CIB1: variants seen among roughly 807,000 people sequenced by gnomAD.
CIB1 encodes the protein calcium and integrin-binding protein 1.
Under a neutral mutation model 25.0 loss-of-function variants are expected in CIB1, and 19 were observed. The ratio of observed to expected loss-of-function variants is 0.76; its 90% CI spans 0.53 to 1.12. The LOEUF (loss-of-function observed/expected upper bound fraction) is 1.12. Among genes scored for constraint, CIB1 ranks in the 50% most tolerant of loss-of-function variants. The pLI, the probability that CIB1 is intolerant of heterozygous loss-of-function variation, is 0.00. For synonymous variants in CIB1, 104 were observed against 98.5 expected (o/e 1.06, Z -0.33); for missense variants, 236 against 242.6 (o/e 0.97, Z 0.18).
At chr15:90,255,670 ATCC>A in the CIB1 span, 6 of 1,589,688 alleles carry the variant, frequency 3.8e-6, no homozygotes, top group East Asian at 2.2e-5. Flanking sequence ...AACCTTCCCA[ATCC>A]TCCTCCACTG....
chr15:90,233,624 C>A (rs1190470000), intron 2 of CIB1, 45 bp downstream of exon 2: 2 of 1,557,180 alleles, frequency 1.3e-6, no homozygotes, highest in Admixed American at 3.9e-5. Flanking sequence ...GAAGCTGTCT[C>A]TAGAGGATCC....
At chr15:90,241,611 A>T in the CIB1 span, 65 of 1,613,870 alleles carry the variant, frequency 4.0e-5, no homozygotes, top group Admixed American at 1.0e-4. Context: ...GCAGGCGCCA[A>T]GCGAGCCCCT....
chr15:90,247,291 CT>C, the CIB1 span, among the ~76,000 whole-genome samples: 29 of 141,386 alleles, frequency 2.1e-4, no homozygotes, highest in Non-Finnish European at 9.0e-5. Context: ...CTTTTCTTTT[CT>C]TTTTTCTTTT....
chr15:90,255,835 C>T, the CIB1 span: 1 of 1,614,220 alleles, frequency 6.2e-7, no homozygotes, highest in African/African-American at 1.3e-5. Flanking sequence ...TGTACAAACT[C>T]TATCCCTCTG....
chr15:90,262,484 C>CT, the CIB1 span: 54 of 1,474,608 alleles, frequency 3.7e-5, no homozygotes, highest in African/African-American at 7.3e-4. Context: ...GCTGCTGTGT[C>CT]TTGTCAGGCA....
the CIB1 span, chr15:90,262,950 C>T: frequency 1.9e-4 from 285 of 1,534,326 alleles, 2 homozygotes; most frequent in African/African-American, 3.7e-3. Context: ...GCATTTATCT[C>T]TCATGTACCT....
chr15:90,230,437 T>C lies in CIB1; in HGVS notation c.*47A>G. ...CTTGACCTTGGCCACAGCTCAGCAGTAGAAAGGTTCTTGGACAGGGTGCCA... is the reference window on the plus strand; with the variant it reads ...CTTGACCTTGGCCACAGCTCAGCAGCAGAAAGGTTCTTGGACAGGGTGCCA... On this transcript the variant is annotated 3_prime_UTR_variant, in exon 7 of 7. Transcript: ENST00000328649. 1 of 1,549,556 alleles carries C rather than the reference T, an allele frequency of 6.5e-7. No homozygotes were observed.
the CIB1 span, chr15:90,250,878 G>A: frequency 5.5e-5 from 88 of 1,613,586 alleles, no homozygotes; most frequent in Non-Finnish European, 6.6e-5. Context: ...AAGAGAAGGC[G>A]GAAACGCAGG....
chr15:90,264,049 C>A, the CIB1 span: 1 of 1,533,164 alleles, frequency 6.5e-7, no homozygotes, highest in Non-Finnish European at 8.7e-7. Flanking sequence ...CAGAATCAGG[C>A]TCACTAGCCG....
chr15:90,259,859 G>A, the CIB1 span, among the ~76,000 whole-genome samples: 2 of 152,154 alleles, frequency 1.3e-5, no homozygotes, highest in African/African-American at 2.4e-5. Context: ...ACTGGTCACC[G>A]ATACTAAAAT....
In CIB1 at chr15:90,231,139, C is replaced by T. The variant is rs757062860; in HGVS notation, c.421G>A (p.Asp141Asn). The change falls in exon 5 of 7, where the codon GAC becomes AAC. Residue 141 changes from aspartate to asparagine, a missense_variant. Coordinates refer to ENST00000328649, the MANE Select transcript of CIB1 (RefSeq NM_006384.4). The part of the protein sequence containing the change: ...LVNCLTGEGE[D>N]TRLSASEMKQ... ...ATCTCAGACGCACTAAGCCGTGTGT[C>T]CTCGCCCTCTCCCGTGAGGCAGTTC... 1.1e-5 allele frequency: 17 copies of T among 1,614,194 alleles called. No individual in the cohort carries two copies. The highest frequency in any genetic ancestry group is 1.4e-5 in the Non-Finnish European group (16 of 1,180,032).
the CIB1 span, among the ~76,000 whole-genome samples, chr15:90,256,611 T>TTTCTTTCTTTC: frequency 3.9e-4 from 17 of 43,168 alleles, 1 homozygote; most frequent in African/African-American, 2.1e-3. Flanking sequence ...CTTTCTTTCC[T>TTTCTTTCTTTC]TCCTTCCTTC....
chr15:90,231,598 C>A, intron 3 of CIB1, 91 bp from the exon 4 acceptor site: 2 of 1,461,884 alleles, frequency 1.4e-6, no homozygotes, highest in Non-Finnish European at 9.3e-7. Flanking sequence ...AGGACCAGCA[C>A]CAGCGAGCTC....
At chr15:90,233,203 T>C (rs1048874493) in intron 2 of CIB1, among the ~76,000 whole-genome samples, 1 of 152,226 alleles carries the variant, frequency 6.6e-6, no homozygotes, top group Non-Finnish European at 1.5e-5. Flanking sequence ...GTCCAGTACC[T>C]CTCTCCTAAA....
chr15:90,254,875 TA>T, the CIB1 span, among the ~76,000 whole-genome samples: 1 of 152,014 alleles, frequency 6.6e-6, no homozygotes, highest in South Asian at 2.1e-4. Flanking sequence ...AGGATAAGGA[TA>T]ACAATAATCA....
the CIB1 span, chr15:90,265,445 A>C: frequency 1.6e-5 from 21 of 1,303,826 alleles, no homozygotes; most frequent in East Asian, 2.2e-4. Flanking sequence ...TGGAAACGGA[A>C]TCCGTACTTT....
chr15:90,262,099 G>T, the CIB1 span: 1 of 1,535,966 alleles, frequency 6.5e-7, no homozygotes, highest in East Asian at 2.4e-5. Flanking sequence ...TCTACCCTGG[G>T]CCTGACACAG....
In CIB1 at chr15:90,232,204, G is replaced by A. The variant is rs1416452341; in HGVS notation, c.195+15C>T. The A allele has an allele frequency of 3.8e-6, 6 of 1,598,398 alleles. No individual in the cohort carries two copies. Among genetic ancestry groups the A allele is most frequent in the Non-Finnish European group, 4.3e-6 (5 of 1,167,812 alleles). On this transcript the variant is annotated intron_variant, in intron 3 of 6. Transcript: ENST00000328649. ...GAGTGGTGGGAGAGGTGTCAAAGGA[G>A]GGGAGCGCTTGCACCTTGAGCTCTG...
chr15:90,258,558 C>T, the CIB1 span: 1 of 624,028 alleles, frequency 1.6e-6, no homozygotes. Flanking sequence ...CTGATTTGCT[C>T]TCACTGGTCT....
Sources: gnomAD v4.1 joint callset for allele counts (sites outside exome capture counted in the v4.1 genomes callset) on GRCh38, gnomAD v4.1.1 for gene constraint, MANE v1.5 for transcripts, NCBI Gene and HGNC (gene_info 2026-07-23, HGNC 2026-07-21) for gene names.